Variants in NUBPL observed in about 807,000 individuals in gnomAD.
NUBPL encodes iron-sulfur cluster transfer protein NUBPL.
NUBPL carries 31 observed loss-of-function variants against 45.7 expected under a neutral mutation model. The ratio of observed to expected loss-of-function variants is 0.68; its 90% CI spans 0.51 to 0.92. The LOEUF (loss-of-function observed/expected upper bound fraction) is 0.92, where lower values mean the gene tolerates loss of function less well. Ranked by LOEUF, NUBPL falls within the 40% of genes least tolerant of loss-of-function variation. The pLI, the probability that NUBPL is intolerant of heterozygous loss-of-function variation, is 0.00. For missense variants in NUBPL, 401 were observed against 398.7 expected, an observed-to-expected ratio of 1.01 and a Z score of -0.05; for synonymous variants, 144 against 140.9, an observed-to-expected ratio of 1.02 and a Z score of -0.15.
chr14:31,787,704 A>T, intron 6 of NUBPL, 76 bp from the exon 7 acceptor site: 1 of 949,290 alleles, frequency 1.1e-6, no homozygotes, highest in Non-Finnish European at 1.7e-6. Flanking sequence ...ATTTGTTATT[A>T]ACACATTAAT....
chr14:31,765,217 C>T (rs1284329792), intron 6 of NUBPL, among the ~76,000 whole-genome samples: 1 of 152,154 alleles, frequency 6.6e-6, no homozygotes, highest in Non-Finnish European at 1.5e-5. Context: ...TATTTTGGCC[C>T]AATGTTTCCA....
chr14:31,645,928 C>A (rs1250929848), intron 4 of NUBPL, among the ~76,000 whole-genome samples: 5 of 152,048 alleles, frequency 3.3e-5, no homozygotes, highest in Admixed American at 1.3e-4. Context: ...ATAATTATAG[C>A]ATTAGATAGA....
chr14:31,725,012 G>T (rs545750884), intron 6 of NUBPL, among the ~76,000 whole-genome samples: 4 of 151,986 alleles, frequency 2.6e-5, no homozygotes, highest in African/African-American at 9.6e-5. Flanking sequence ...GAAGCCAGGG[G>T]TTATGTCATC....
At chr14:31,734,757 A>T (rs35756264) in intron 6 of NUBPL, among the ~76,000 whole-genome samples, 69,669 of 151,546 alleles carry the variant, frequency 0.46, 17,215 homozygotes, top group African/African-American at 0.66. Context: ...GACATGAAAT[A>T]GTAGCAAGAA....
intron 3 of NUBPL, among the ~76,000 whole-genome samples, chr14:31,579,864 G>A (rs1171037687): frequency 6.6e-6 from 1 of 152,142 alleles, no homozygotes; most frequent in Non-Finnish European, 1.5e-5. Context: ...ATAGAAGAAT[G>A]TTTCTTAATT....
intron 6 of NUBPL, among the ~76,000 whole-genome samples, chr14:31,758,964 G>GT: frequency 6.6e-6 from 1 of 152,154 alleles, no homozygotes; most frequent in Middle Eastern, 3.4e-3. Context: ...ACTTAGGCTT[G>GT]TTTTACCATA....
intron 4 of NUBPL, among the ~76,000 whole-genome samples, chr14:31,636,238 A>C (rs7161641): frequency 6.6e-6 from 1 of 151,204 alleles, no homozygotes; most frequent in South Asian, 2.1e-4. Flanking sequence ...TGTCATAGAT[A>C]GCTCTTATTA....
In NUBPL at chr14:31,602,364, A is replaced by C. The variant is rs1317304319; in HGVS notation, c.382+2985A>C. 4.2e-5 allele frequency among the ~76,000 whole-genome samples: 6 copies of C among 143,030 alleles called. No individual in the cohort carries two copies. In the Admixed American group the frequency reaches 4.4e-4, roughly 11 times the overall value. The allele number at this position is 143,030 out of a possible 152,430, so 93.8% of individuals were successfully genotyped here. ...TGTAACTAACCTGCACATTGTGCAC[A>C]TGTACCCTAAAACTTAAAGTATAAT... On this transcript the variant is annotated intron_variant, in intron 4 of 10. Transcript: ENST00000281081.
intron 6 of NUBPL, among the ~76,000 whole-genome samples, chr14:31,697,051 G>T (rs1169165322): frequency 2.6e-5 from 4 of 152,204 alleles, no homozygotes; most frequent in Admixed American, 2.6e-4. Flanking sequence ...ATAAAGCAAA[G>T]ATGTTTGGGT....
At chr14:31,653,628 G>A (rs571060993) in intron 4 of NUBPL, among the ~76,000 whole-genome samples, 15 of 152,226 alleles carry the variant, frequency 9.9e-5, no homozygotes, top group East Asian at 9.7e-4. Flanking sequence ...CACTGATTTC[G>A]TATTGTTCAA....
intron 6 of NUBPL, among the ~76,000 whole-genome samples, chr14:31,705,093 C>T (rs1198871609): frequency 1.3e-5 from 2 of 151,916 alleles, no homozygotes; most frequent in African/African-American, 4.8e-5. Flanking sequence ...TCACTGGCCT[C>T]AGGAGTGAAG....
intron 7 of NUBPL, among the ~76,000 whole-genome samples, chr14:31,823,496 C>G (rs1227280240): frequency 6.6e-6 from 1 of 151,940 alleles, no homozygotes; most frequent in East Asian, 1.9e-4. Context: ...AGGAAATAGC[C>G]AAGGAGATTC....
chr14:31,848,068 G>A (rs186846712), intron 9 of NUBPL, among the ~76,000 whole-genome samples: 1 of 152,276 alleles, frequency 6.6e-6, no homozygotes, highest in Non-Finnish European at 1.5e-5. Context: ...ATTTCATTGA[G>A]AAACAATGGT....
At chr14:31,748,547 A>G (rs1296340810) in intron 6 of NUBPL, among the ~76,000 whole-genome samples, 1 of 149,962 alleles carries the variant, frequency 6.7e-6, no homozygotes, top group Non-Finnish European at 1.5e-5. Context: ...TGATTATGTA[A>G]TGACCTTTTT....
chr14:31,814,889 G>T (rs923663888), intron 7 of NUBPL, among the ~76,000 whole-genome samples: 1 of 152,156 alleles, frequency 6.6e-6, no homozygotes, highest in Non-Finnish European at 1.5e-5. Flanking sequence ...CTGTTTCATT[G>T]GTCTGTATCT....
At chr14:31,717,133 C>A (rs889606479) in intron 6 of NUBPL, among the ~76,000 whole-genome samples, 1 of 152,098 alleles carries the variant, frequency 6.6e-6, no homozygotes, top group African/African-American at 2.4e-5. Flanking sequence ...GGAAAAAGGT[C>A]CTTCTTTATC....
intron 8 of NUBPL, among the ~76,000 whole-genome samples, chr14:31,829,025 AG>A (rs1438550571): frequency 6.6e-6 from 1 of 152,202 alleles, no homozygotes; most frequent in Admixed American, 6.5e-5. Flanking sequence ...GGACTACTTC[AG>A]GGATCAGTTA....
chr14:31,700,849 C>T (rs914793522), intron 6 of NUBPL, among the ~76,000 whole-genome samples: 12 of 152,180 alleles, frequency 7.9e-5, no homozygotes, highest in Non-Finnish European at 1.8e-4. Flanking sequence ...CGTGGGTTCC[C>T]TCACGGCCTG....
chr14:31,804,294 A>G (rs78271704), intron 7 of NUBPL, among the ~76,000 whole-genome samples: 9,564 of 152,288 alleles, frequency 0.063, 411 homozygotes, highest in Non-Finnish European at 0.091. Context: ...TATTTTAAGT[A>G]GTGGGGAGTA....
Sources: gnomAD v4.1 joint callset for allele counts (sites outside exome capture counted in the v4.1 genomes callset) on GRCh38, gnomAD v4.1.1 for gene constraint, MANE v1.5 for transcripts, NCBI Gene and HGNC (gene_info 2026-07-23, HGNC 2026-07-21) for gene names.